Variants in PHF14 observed in about 807,000 individuals in gnomAD.
The protein encoded by PHF14 is PHD finger protein 14.
A neutral mutation model predicts 117.9 loss-of-function variants in PHF14; 55 were observed. The observed-to-expected ratio is 0.47, with a 90% confidence interval of 0.38 to 0.58. PHF14 has a LOEUF of 0.58. Ranked by LOEUF, PHF14 falls within the 20% of genes least tolerant of loss-of-function variation. The pLI, the probability that PHF14 is intolerant of heterozygous loss-of-function variation, is 0.00. For missense variants in PHF14, 978 were observed against 1,122.2 expected, an observed-to-expected ratio of 0.87 and a Z score of 1.84; for synonymous variants, 409 against 368.6, an observed-to-expected ratio of 1.11 and a Z score of -1.26.
chr7:11,120,800 G>T (rs1052567609), intron 17 of PHF14, among the ~76,000 whole-genome samples: 4 of 151,950 alleles, frequency 2.6e-5, no homozygotes, highest in African/African-American at 9.7e-5. Flanking sequence ...GAAACTAAAG[G>T]TTTGTTTTGT....
chr7:11,045,407 G>A (rs540037645), intron 13 of PHF14, among the ~76,000 whole-genome samples: 19 of 152,192 alleles, frequency 1.2e-4, no homozygotes, highest in Admixed American at 9.8e-4. Flanking sequence ...ATTTCTGAAT[G>A]GCCGGTTTAT....
rs533528113 is a variant in PHF14 at position 11,150,592 on chromosome 7, G to A, written c.2773-18824G>A. ...TTCATTTGCATCATTAAATTTTTAA[G>A]TAAAGCTTACTTTAAATAATGCATA... On this transcript the variant is annotated intron_variant, in intron 17 of 17. Coordinates refer to ENST00000634607, the MANE Select transcript of PHF14 (RefSeq NM_001007157.2). Among the ~76,000 whole-genome samples the A allele has an allele frequency of 2.3e-4, 35 of 152,234 alleles. No homozygotes were observed. The South Asian group carries it at 6.6e-3, about 29-fold the overall frequency.
intron 17 of PHF14, among the ~76,000 whole-genome samples, chr7:11,138,346 A>T (rs1583494913): frequency 6.6e-6 from 1 of 152,148 alleles, no homozygotes; most frequent in African/African-American, 2.4e-5. Context: ...TGGCCGGAAA[A>T]ATATTTCTAA....
intron 6 of PHF14, among the ~76,000 whole-genome samples, chr7:11,026,022 GAAT>G (rs980312866): frequency 6.6e-6 from 1 of 150,644 alleles, no homozygotes. Context: ...TGAGGCAGGA[GAAT>G]CACTTGAACC....
chr7:11,069,843 C>G (rs1372266280), intron 16 of PHF14, among the ~76,000 whole-genome samples: 1 of 147,836 alleles, frequency 6.8e-6, no homozygotes, highest in Non-Finnish European at 1.5e-5. Flanking sequence ...CCCAGCTGTT[C>G]TATTATTTAT....
chr7:11,097,657 A>C (rs1187304682), intron 16 of PHF14, among the ~76,000 whole-genome samples: 1 of 152,230 alleles, frequency 6.6e-6, no homozygotes, highest in African/African-American at 2.4e-5. Flanking sequence ...TTAATGCTAG[A>C]GGCAGAGTTC....
Position 11,036,824 on chromosome 7 carries a change from T to C in PHF14, c.1873+136T>C, listed in dbSNP as rs1203991056. On this transcript the variant is annotated intron_variant, in intron 9 of 17. Transcript: ENST00000634607. ...TAGAGGGATGTTTATTTTCCTAATA[T>C]GTTGTGGGTTTTTACAAAATGCTAG... is the stretch of plus-strand genomic sequence containing the variant. The C allele has an allele frequency of 6.7e-5, 66 of 979,782 alleles. No individual in the cohort carries two copies. The Admixed American group carries it at 1.8e-3, about 27-fold the overall frequency. 60.7% of individuals were successfully genotyped at this position (979,782 alleles called of 1,614,324 possible). A position where few individuals can be genotyped will look rare whatever the true frequency, so the allele number is the denominator to read the frequency against.
Position 10,982,405 on chromosome 7 carries a change from C to A in PHF14, c.146C>A (p.Ala49Asp), listed in dbSNP as rs913867215. The A allele has an allele frequency of 6.4e-7, 1 of 1,570,514 alleles. No homozygotes were observed. The highest frequency in any genetic ancestry group is 8.6e-7 in the Non-Finnish European group (1 of 1,166,212). The change falls in exon 3 of 18, where the codon GCT becomes GAT. Residue 49 changes from alanine to aspartate, a missense_variant. Physicochemically the swap from Ala to Asp is moderately radical, Grantham distance 126 (BLOSUM62 -2). Around this residue, in one of 7 missense-constraint regions of PHF14, gnomAD observed 414 missense variants for 376.4 expected, o/e 1.10. Transcript: ENST00000634607. ...GGGAGTGGTAATGGAAGTGAAGATG[C>A]TTCAAAGGACAGTGGAGAAGGTTCC... ...SEGSGNGSED[A>D]SKDSGEGSCS...
At chr7:11,149,677 G>T (rs1788651018) in intron 17 of PHF14, among the ~76,000 whole-genome samples, 1 of 152,110 alleles carries the variant, frequency 6.6e-6, no homozygotes, top group African/African-American at 2.4e-5. Flanking sequence ...ATAAATAAAA[G>T]AATGCTGATA....
intron 17 of PHF14, among the ~76,000 whole-genome samples, chr7:11,157,282 TAAA>T (rs1345849943): frequency 1.3e-5 from 2 of 151,734 alleles, no homozygotes. Flanking sequence ...GTTAATATCT[TAAA>T]AAGACAAAAT....
intron 4 of PHF14, among the ~76,000 whole-genome samples, chr7:11,006,100 T>G (rs1436042253): frequency 1.3e-5 from 2 of 152,138 alleles, no homozygotes; most frequent in Non-Finnish European, 2.9e-5. Context: ...AAAAGATAAG[T>G]GTATTTAAAC....
intron 17 of PHF14, among the ~76,000 whole-genome samples, chr7:11,123,116 C>CT (rs202042887): frequency 0.012 from 1,825 of 152,156 alleles, 18 homozygotes; most frequent in Middle Eastern, 0.031. Context: ...GTTTCACAGT[C>CT]TTTTTTTCTC....
rs200552769 is a variant in PHF14 at position 10,982,766 on chromosome 7, G to A, written c.507G>A (p.Thr169=). ...ACACATCCCCTTCTGTTCCCACTACGACAACCGCTACAGAGGAACAAGTCA... is the reference window on the plus strand; with the variant it reads ...ACACATCCCCTTCTGTTCCCACTACAACAACCGCTACAGAGGAACAAGTCA... ...AVNTSPSVPT[T]TTATEEQVSE... is the part of the protein sequence containing the mutation. Residue 169 remains threonine, a synonymous_variant, in exon 3 of 18, where the codon ACG becomes ACA. Transcript: ENST00000634607. 6.6e-5 allele frequency: 107 copies of A among 1,613,792 alleles called. No homozygotes were observed. The African/African-American group carries it at 1.1e-3, about 17-fold the overall frequency.
intron 17 of PHF14, among the ~76,000 whole-genome samples, chr7:11,159,742 A>T (rs1788969664): frequency 6.6e-6 from 1 of 152,166 alleles, no homozygotes; most frequent in East Asian, 1.9e-4. Context: ...AACTACAAAG[A>T]TCTTAAAATT....
At chr7:11,024,593 C>T (rs1312340332) in intron 6 of PHF14, among the ~76,000 whole-genome samples, 1 of 152,092 alleles carries the variant, frequency 6.6e-6, no homozygotes, top group African/African-American at 2.4e-5. Context: ...TCCTAGAGCC[C>T]TTAAGAATTA....
intron 17 of PHF14, among the ~76,000 whole-genome samples, chr7:11,118,726 T>C (rs1787668541): frequency 6.6e-6 from 1 of 151,870 alleles, no homozygotes; most frequent in South Asian, 2.1e-4. Context: ...TTAGTCATTC[T>C]TAATAGTATT....
chr7:10,974,826 T>C lies in PHF14; in HGVS notation c.2-9T>C. The C allele has an allele frequency of 6.9e-7, 1 of 1,448,218 alleles. No individual in the cohort carries two copies. Among genetic ancestry groups the C allele is most frequent in the Non-Finnish European group, 9.5e-7 (1 of 1,053,346 alleles). The allele number at this position is 1,448,218 out of a possible 1,614,324, so 89.7% of individuals were successfully genotyped here. A position where few individuals can be genotyped will look rare whatever the true frequency, so the allele number is the denominator to read the frequency against. ...TATGAATGACAATGTAATTTTTTTC[T>C]CTTCACAGTGGATCGCAGCTCCAAG... is the stretch of plus-strand genomic sequence containing the variant. On this transcript the variant is annotated splice_polypyrimidine_tract_variant and intron_variant, in intron 1 of 17. Coordinates refer to ENST00000634607, the MANE Select transcript of PHF14 (RefSeq NM_001007157.2).
At chr7:11,062,209 C>T (rs1372661271) in intron 16 of PHF14, 124 bp downstream of exon 16, 16 of 714,044 alleles carry the variant, frequency 2.2e-5, no homozygotes, top group African/African-American at 3.6e-5. Flanking sequence ...ATAGTGGAAA[C>T]AGTACTTTAG....
chr7:11,013,028 T>G (rs1298004335), intron 4 of PHF14, among the ~76,000 whole-genome samples: 1 of 152,214 alleles, frequency 6.6e-6, no homozygotes, highest in Non-Finnish European at 1.5e-5. Context: ...CTTTTTGGTT[T>G]GTATCTTTGT....
Sources: allele counts gnomAD v4.1 joint callset (sites outside exome capture counted in the v4.1 genomes callset), GRCh38; gene constraint gnomAD v4.1.1; regional missense constraint gnomAD v4.1.1; transcripts MANE v1.5; gene names NCBI Gene and HGNC (gene_info 2026-07-23, HGNC 2026-07-21).